The following KCNMA1 variants were observed in gnomAD, a reference collection of about 807,000 sequenced individuals.
KCNMA1 encodes Calcium-activated potassium channel subunit alpha-1.
In KCNMA1, 29 loss-of-function variants were observed where a neutral mutation model predicts 140.0. The observed-to-expected ratio is 0.21, with a 90% confidence interval of 0.15 to 0.28. The LOEUF (loss-of-function observed/expected upper bound fraction) is 0.28, where lower values mean the gene tolerates loss of function less well. KCNMA1 is among the 10% of genes least tolerant of loss of function. KCNMA1 has a pLI of 1.00. For synonymous variants in KCNMA1, 612 were observed against 611.9 expected (o/e 1.00, Z 0.00); for missense variants, 880 against 1,602.2 (o/e 0.55, Z 7.70).
downstream of KCNMA1, chr10:76,875,053 A>T (rs1031277485): frequency 6.6e-6 from 1 of 152,262 alleles, no homozygotes; most frequent in Non-Finnish European, 1.5e-5. Context: ...TGCAGTGGAG[A>T]TGGATGGGAC....
At chr10:77,091,493 AAG>A (rs2096816534) in intron 9 of KCNMA1, 1 of 152,228 alleles carries the variant, frequency 6.6e-6, no homozygotes, top group African/African-American at 2.4e-5. Flanking sequence ...CATTTGATGC[AAG>A]AGTCAGCCAC....
intron 1 of KCNMA1, among the ~76,000 whole-genome samples, chr10:77,524,182 A>C (rs2054660471): frequency 6.6e-6 from 1 of 152,254 alleles, no homozygotes; most frequent in Non-Finnish European, 1.5e-5. Flanking sequence ...AAGTGAAGTT[A>C]TTGTGAGAAT....
chr10:77,195,747 G>A (rs1335148341), intron 3 of KCNMA1, among the ~76,000 whole-genome samples: 2 of 152,070 alleles, frequency 1.3e-5, no homozygotes, highest in East Asian at 1.9e-4. Flanking sequence ...TCAGGAGTTC[G>A]AGACCAGCCT....
intron 15 of KCNMA1, among the ~76,000 whole-genome samples, chr10:77,030,463 A>T (rs774640573): frequency 6.6e-6 from 1 of 152,240 alleles, no homozygotes; most frequent in African/African-American, 2.4e-5. Flanking sequence ...ATACAAAAAC[A>T]TCAGGGAGAA....
chr10:77,439,352 G>A (rs976466488), intron 1 of KCNMA1, among the ~76,000 whole-genome samples: 9 of 152,168 alleles, frequency 5.9e-5, no homozygotes, highest in Non-Finnish European at 1.3e-4. Flanking sequence ...CGTTAGAGGT[G>A]GAGCCCAGAT....
chr10:77,227,926 G>A (rs1438907740), intron 3 of KCNMA1, among the ~76,000 whole-genome samples: 2 of 151,856 alleles, frequency 1.3e-5, no homozygotes, highest in Non-Finnish European at 2.9e-5. Flanking sequence ...ATACTTACAA[G>A]GGCCACAGCG....
intron 1 of KCNMA1, among the ~76,000 whole-genome samples, chr10:77,420,208 C>T (rs1276837995): frequency 1.3e-5 from 2 of 152,208 alleles, no homozygotes; most frequent in African/African-American, 4.8e-5. Context: ...AATCAGGAGT[C>T]TAGATTGAGT....
chr10:77,293,985 G>A (rs1367432279), intron 2 of KCNMA1, among the ~76,000 whole-genome samples: 1 of 152,242 alleles, frequency 6.6e-6, no homozygotes, highest in Admixed American at 6.5e-5. Context: ...GCCCCAGCCG[G>A]TGTGGCTGCA....
At chr10:77,311,181 A>C (rs921538799) in intron 2 of KCNMA1, among the ~76,000 whole-genome samples, 2 of 152,238 alleles carry the variant, frequency 1.3e-5, no homozygotes, top group African/African-American at 4.8e-5. Flanking sequence ...ACCACAATGC[A>C]TGCCCACTCC....
intron 2 of KCNMA1, among the ~76,000 whole-genome samples, chr10:77,377,656 T>G (rs991782165): frequency 6.6e-6 from 1 of 152,160 alleles, no homozygotes; most frequent in Non-Finnish European, 1.5e-5. Context: ...CCAAAGCAGC[T>G]AGGTTTCAGT....
chr10:77,007,570 C>T (rs1374120563), intron 18 of KCNMA1, among the ~76,000 whole-genome samples: 1 of 150,080 alleles, frequency 6.7e-6, no homozygotes, highest in Non-Finnish European at 1.5e-5. Context: ...TGGAATATCT[C>T]TACTCTTATA....
At chr10:77,578,390 G>T (rs1467313690) in intron 1 of KCNMA1, among the ~76,000 whole-genome samples, 1 of 152,212 alleles carries the variant, frequency 6.6e-6, no homozygotes, top group Non-Finnish European at 1.5e-5. Context: ...GCCTATCTCT[G>T]AAGTCCTTCT....
intron 5 of KCNMA1, among the ~76,000 whole-genome samples, chr10:77,156,378 T>C (rs1248997676): frequency 6.6e-6 from 1 of 152,212 alleles, no homozygotes; most frequent in Non-Finnish European, 1.5e-5. Context: ...TCTCCAATTT[T>C]TCTACATTCA....
At chr10:77,229,246 C>T (rs1440597773) in intron 3 of KCNMA1, among the ~76,000 whole-genome samples, 2 of 151,686 alleles carry the variant, frequency 1.3e-5, no homozygotes, top group Non-Finnish European at 2.9e-5. Context: ...AGATCCATCT[C>T]CCTTAACCCC....
intron 23 of KCNMA1, among the ~76,000 whole-genome samples, chr10:76,944,542 TC>T (rs2063416342): frequency 6.6e-6 from 1 of 152,212 alleles, no homozygotes; most frequent in African/African-American, 2.4e-5. Flanking sequence ...GGCTTGTTTA[TC>T]CTCTGGAAAG....
chr10:76,997,396 T>G (rs1366448861), intron 19 of KCNMA1, among the ~76,000 whole-genome samples: 1 of 152,254 alleles, frequency 6.6e-6, no homozygotes, highest in African/African-American at 2.4e-5. Context: ...ACATGTACTT[T>G]AGCTAAAGCT....
intron 1 of KCNMA1, among the ~76,000 whole-genome samples, chr10:77,593,393 A>G (rs1404983817): frequency 6.6e-6 from 1 of 152,260 alleles, no homozygotes. Context: ...CTAACACTGC[A>G]TAATCAGTAA....
At chr10:77,230,144 G>A (rs1369914464) in intron 3 of KCNMA1, among the ~76,000 whole-genome samples, 3 of 152,332 alleles carry the variant, frequency 2.0e-5, no homozygotes, top group African/African-American at 4.8e-5. Context: ...GTGCTACAAC[G>A]TGGATGAACC....
At chr10:77,339,042 C>A (rs2090113370) in intron 2 of KCNMA1, among the ~76,000 whole-genome samples, 1 of 152,062 alleles carries the variant, frequency 6.6e-6, no homozygotes, top group Admixed American at 6.5e-5. Context: ...GAAAAAACAA[C>A]CTTTATGTAT....
Sources: gnomAD v4.1 joint callset for allele counts (sites outside exome capture counted in the v4.1 genomes callset) on GRCh38, gnomAD v4.1.1 for gene constraint, MANE v1.5 for transcripts, NCBI Gene and HGNC (gene_info 2026-07-23, HGNC 2026-07-21) for gene names.